The following ADAM22 variants were observed in gnomAD, a reference collection of about 807,000 sequenced individuals.
ADAM22 encodes disintegrin and metalloproteinase domain-containing protein 22.
ADAM22 carries 65 observed loss-of-function variants against 144.6 expected under a neutral mutation model. The ratio of observed to expected loss-of-function variants is 0.45; its 90% CI spans 0.37 to 0.55. The LOEUF (loss-of-function observed/expected upper bound fraction) is 0.55, where lower values mean the gene tolerates loss of function less well. Ranked by LOEUF, ADAM22 falls within the 20% of genes least tolerant of loss-of-function variation. The pLI is 0.00. For synonymous variants in ADAM22, 391 were observed against 412.6 expected (o/e 0.95, Z 0.63); for missense variants, 974 against 1,184.9 (o/e 0.82, Z 2.61).
intron 3 of ADAM22, among the ~76,000 whole-genome samples, chr7:88,052,359 A>T (rs1194800234): frequency 1.5e-5 from 2 of 137,018 alleles, no homozygotes. Context: ...AAAAAAAAAA[A>T]TTAGCCTGGC....
At chr7:88,156,744 T>C (rs1190594935) in intron 22 of ADAM22, among the ~76,000 whole-genome samples, 1 of 152,076 alleles carries the variant, frequency 6.6e-6, no homozygotes, top group Non-Finnish European at 1.5e-5. Flanking sequence ...TTATACTCTA[T>C]AGAGAATAAA....
Position 88,063,516 on chromosome 7 carries a change from A to G in ADAM22, c.324-12110A>G, listed in dbSNP as rs1810428955. 2.0e-5 allele frequency among the ~76,000 whole-genome samples: 3 copies of G among 152,226 alleles called. No individual in the cohort carries two copies. In the South Asian group the frequency reaches 6.2e-4, roughly 32 times the overall value. ...AACATCTGACTGGTAGGAGTCCCAG[A>G]AAGACACTAGAGAAAGGACAGAGAG... On this transcript the variant is annotated intron_variant, in intron 3 of 31. Transcript: ENST00000413139.
chr7:88,172,437 T>G (rs1844573862), intron 26 of ADAM22, among the ~76,000 whole-genome samples: 2 of 151,936 alleles, frequency 1.3e-5, no homozygotes, highest in Admixed American at 6.6e-5. Flanking sequence ...ACTCATGGTA[T>G]TTATGCAGAT....
At chr7:88,039,449 C>CAAAAAAAAAAA (rs1216762883) in intron 3 of ADAM22, among the ~76,000 whole-genome samples, 30 of 58,614 alleles carry the variant, frequency 5.1e-4, no homozygotes, top group African/African-American at 1.1e-3. Context: ...GATTCTGTCT[C>CAAAAAAAAAAA]AAAAAAAAAA....
At chr7:88,109,382 T>C (rs1825401576) in intron 5 of ADAM22, among the ~76,000 whole-genome samples, 1 of 152,218 alleles carries the variant, frequency 6.6e-6, no homozygotes, top group Non-Finnish European at 1.5e-5. Flanking sequence ...ACTTGTTTTG[T>C]AACCCCTTAT....
rs902387367 is a variant in ADAM22 at position 88,093,993 on chromosome 7, G to GA, written c.391-14176dup. 2.2e-4 allele frequency among the ~76,000 whole-genome samples: 33 copies of GA among 152,158 alleles called. 1 individual carries two copies. The highest frequency in any genetic ancestry group is 3.4e-3 in the Middle Eastern group (1 of 294). ...GACATGAGAGATTTACAGTGGAATA[G>GA]AAAAAAAGCCATAATTCTCAGATAC... On this transcript the variant is annotated intron_variant, in intron 4 of 31. Transcript: ENST00000413139.
At chr7:88,161,193 G>GAAAAAAAAAAA in intron 22 of ADAM22, among the ~76,000 whole-genome samples, 1 of 136,962 alleles carries the variant, frequency 7.3e-6, no homozygotes, top group Non-Finnish European at 1.6e-5. Flanking sequence ...AACATATTTG[G>GAAAAAAAAAAA]AAAAAAAAAA....
At chr7:88,038,616 G>A (rs1173260067) in intron 3 of ADAM22, among the ~76,000 whole-genome samples, 17 of 151,594 alleles carry the variant, frequency 1.1e-4, no homozygotes, top group Admixed American at 7.2e-4. Context: ...CACCATGCCC[G>A]GCTAATTTTT....
At position 88,201,548 on chromosome 7, in the gene ADAM22, TTGAC is replaced by T. The variant is rs1331746824; in HGVS notation, c.*5061_*5064del. 9.8e-5 allele frequency: 15 copies of T among 152,434 alleles called. No homozygotes were observed. The highest frequency in any genetic ancestry group is 3.6e-4 in the African/African-American group (15 of 41,582). 9.4% of individuals were successfully genotyped at this position (152,434 alleles called of 1,614,324 possible). The stretch of plus-strand genomic sequence containing the variant: ...AAGACAGACTTCTGTGCTTGGCAGA[TTGAC>T]TGAGTGTTGACTCTGAATACTTTGT... On this transcript the variant is annotated 3_prime_UTR_variant, in exon 32 of 32. Transcript: ENST00000413139.
At chr7:87,961,939 G>A (rs1848083284) in intron 2 of ADAM22, among the ~76,000 whole-genome samples, 1 of 152,156 alleles carries the variant, frequency 6.6e-6, no homozygotes, top group East Asian at 1.9e-4. Context: ...TTACAAGTGA[G>A]GGAATGAATC....
At chr7:88,023,966 A>T (rs920724236) in intron 3 of ADAM22, among the ~76,000 whole-genome samples, 5 of 152,072 alleles carry the variant, frequency 3.3e-5, no homozygotes, top group East Asian at 1.9e-4. Context: ...TGTCTGGCTT[A>T]TTTCTCTTAA....
intron 3 of ADAM22, among the ~76,000 whole-genome samples, chr7:87,997,395 T>C (rs1791485681): frequency 6.6e-6 from 1 of 152,250 alleles, no homozygotes; most frequent in South Asian, 2.1e-4. Flanking sequence ...TACACATTTA[T>C]TATCTCATAG....
At chr7:88,069,025 A>G (rs1348434023) in intron 3 of ADAM22, among the ~76,000 whole-genome samples, 4 of 151,992 alleles carry the variant, frequency 2.6e-5, no homozygotes, top group Admixed American at 1.3e-4. Context: ...GGCTGGCTGC[A>G]CTCACAGGCC....
At chr7:88,065,415 T>C (rs1810981438) in intron 3 of ADAM22, among the ~76,000 whole-genome samples, 1 of 152,084 alleles carries the variant, frequency 6.6e-6, no homozygotes, top group South Asian at 2.1e-4. Flanking sequence ...GATGCTTTTC[T>C]AAAATACATT....
At chr7:88,027,692 A>G (rs1799318244) in intron 3 of ADAM22, among the ~76,000 whole-genome samples, 1 of 151,104 alleles carries the variant, frequency 6.6e-6, no homozygotes, top group Admixed American at 6.6e-5. Context: ...AATTTCATTT[A>G]TTTCTGCTCT....
At chr7:88,192,619 C>G (rs1047224650) in intron 30 of ADAM22, among the ~76,000 whole-genome samples, 1 of 152,124 alleles carries the variant, frequency 6.6e-6, no homozygotes, top group Non-Finnish European at 1.5e-5. Flanking sequence ...ACACTGGCCT[C>G]TGAATGCATG....
intron 3 of ADAM22, among the ~76,000 whole-genome samples, chr7:88,052,258 G>A (rs527956045): frequency 6.6e-6 from 1 of 151,600 alleles, no homozygotes; most frequent in Admixed American, 6.6e-5. Flanking sequence ...AGCACTTTGG[G>A]AGACCGAGTC....
At chr7:87,991,338 C>T (rs867980228) in intron 3 of ADAM22, among the ~76,000 whole-genome samples, 8 of 148,884 alleles carry the variant, frequency 5.4e-5, no homozygotes, top group African/African-American at 2.0e-4. Flanking sequence ...AGACTGACAG[C>T]TATCACTAGC....
At chr7:88,041,475 A>C (rs1803114670) in intron 3 of ADAM22, among the ~76,000 whole-genome samples, 1 of 151,766 alleles carries the variant, frequency 6.6e-6, no homozygotes, top group South Asian at 2.1e-4. Context: ...AAAAATACCT[A>C]AAAATGTTTT....
Sources: gnomAD v4.1 joint callset for allele counts (sites outside exome capture counted in the v4.1 genomes callset) on GRCh38, gnomAD v4.1.1 for gene constraint, MANE v1.5 for transcripts, NCBI Gene and HGNC (gene_info 2026-07-23, HGNC 2026-07-21) for gene names.